ATG2A: variants seen among roughly 807,000 people sequenced by gnomAD.
ATG2A encodes the protein autophagy-related protein 2 homolog A.
Under a neutral mutation model 214.2 loss-of-function variants are expected in ATG2A, and 103 were observed. The observed-to-expected ratio is 0.48, with a 90% CI of 0.41 to 0.57. The LOEUF is 0.57. Ranked by LOEUF, ATG2A falls within the 20% of genes least tolerant of loss-of-function variation. ATG2A has a pLI of 0.00. For missense variants in ATG2A, 2,312 were observed against 2,613.2 expected, an observed-to-expected ratio of 0.88 and a Z score of 2.51; for synonymous variants, 1,160 against 1,142.1, an observed-to-expected ratio of 1.02 and a Z score of -0.32.
chr11:64,913,554 C>A lies in ATG2A; in HGVS notation c.591-153G>T. ...GGCCGTCCTGAACCACCATGTCCAGCCCGGAGGCTCAGGCCAGCCCTTGCT... is the reference window on the plus strand; with the variant it reads ...GGCCGTCCTGAACCACCATGTCCAGACCGGAGGCTCAGGCCAGCCCTTGCT... On this transcript the variant is annotated intron_variant, in intron 4 of 40. Transcript: ENST00000377264. This position sits in a 1 kb window ranked among gnomAD's most constrained non-coding sequence, Gnocchi z 4.3. 1 of 1,096,850 alleles carries A rather than the reference C, an allele frequency of 9.1e-7. No homozygotes were observed. 67.9% of individuals were successfully genotyped at this position (1,096,850 alleles called of 1,614,324 possible).
rs1186907191 is a variant in ATG2A, at chr11:64,913,863, C to A, written c.548G>T (p.Gly183Val). ...GACGGCCACACCACGTTCCCCATCA[C>A]CCGGAGAGTGCTCCACCCTCACGAC... ...DTVVRVEHSPGDGERGVAVEV... is the reference protein window; with the variant it reads ...DTVVRVEHSPVDGERGVAVEV... Residue 183 changes from glycine to valine, a missense_variant, in exon 4 of 41, where the codon GGT becomes GTT. By Grantham distance (109) the Gly-to-Val change is moderately radical. Transcript: ENST00000377264. The surrounding 1 kb of genome is among the most constrained non-coding windows in gnomAD (Gnocchi z 4.3). The A allele has an allele frequency of 6.2e-7, 1 of 1,613,880 alleles. No homozygotes were observed. The highest frequency in any genetic ancestry group is 1.3e-5 in the African/African-American group (1 of 74,920).
chr11:64,902,336 G>A lies in ATG2A; in HGVS notation c.3828C>T (p.Ala1276=), dbSNP rs776418307. 51 of 1,608,542 alleles carry A rather than the reference G, an allele frequency of 3.2e-5. No homozygotes were observed. In the East Asian group the frequency reaches 3.8e-4, roughly 12 times the overall value. The change falls in exon 28 of 41, where the codon GCC becomes GCT. Residue 1276 remains alanine, a synonymous_variant. Transcript: ENST00000377264. ...CGGCCAGGTCACGCTGGTTGATGAG[G>A]GCCGTCTCCACTGGGGGGCACGAGG... ...SLPSCPPVET[A]LINQRDLADA...
chr11:64,894,866 G>A lies in ATG2A; in HGVS notation c.*107C>T. ...GCAGGCTGGGAAGGCGTCCTTCACAGTGGCCATCCCCTGAAGGGCCAGGCC... is the reference window on the plus strand; with the variant it reads ...GCAGGCTGGGAAGGCGTCCTTCACAATGGCCATCCCCTGAAGGGCCAGGCC... On this transcript the variant is annotated 3_prime_UTR_variant, in exon 41 of 41. Coordinates refer to ENST00000377264, the MANE Select transcript of ATG2A (RefSeq NM_015104.3). 1 of 1,322,612 alleles carries A rather than the reference G, an allele frequency of 7.6e-7. No individual in the cohort carries two copies. The highest frequency in any genetic ancestry group is 1.1e-6 in the Non-Finnish European group (1 of 926,766). The allele number at this position is 1,322,612 out of a possible 1,614,324, so 81.9% of individuals were successfully genotyped here. A position where few individuals can be genotyped will look rare whatever the true frequency, so the allele number is the denominator to read the frequency against.
intron 37 of ATG2A, 149 bp from the exon 38 acceptor site, chr11:64,897,018 T>A: frequency 8.9e-7 from 1 of 1,122,922 alleles, no homozygotes; most frequent in Non-Finnish European, 1.2e-6. Flanking sequence ...GCAGAGGGAC[T>A]GTGTCCTTTT....
chr11:64,917,170 GC>G lies in ATG2A; in HGVS notation c.-36del. ...CGCCGGGCCTGGGCCGCCTCCGCTTGCCGCCCGCCGGCGATCCCCGTCCGGC... is the reference window on the plus strand; with the variant it reads ...CGCCGGGCCTGGGCCGCCTCCGCTTGCGCCCGCCGGCGATCCCCGTCCGGC... On this transcript the variant is annotated 5_prime_UTR_variant, in exon 1 of 41. Coordinates refer to ENST00000377264, the MANE Select transcript of ATG2A (RefSeq NM_015104.3). The G allele has an allele frequency of 1.3e-6, 2 of 1,557,920 alleles. No individual in the cohort carries two copies. Among genetic ancestry groups the G allele is most frequent in the South Asian group, 2.3e-5 (2 of 86,164 alleles).
At chr11:64,906,870 C>A in intron 19 of ATG2A, 55 bp from the exon 20 acceptor site, 1 of 1,569,934 alleles carries the variant, frequency 6.4e-7, no homozygotes, top group South Asian at 1.2e-5. Flanking sequence ...AACCCTCAAG[C>A]CCTCTGGGGG....
chr11:64,910,102 C>G lies in ATG2A; in HGVS notation c.1801G>C (p.Asp601His). ...AGGCGCAGTAGGGCGGCCAGCCGGTCCAGGGCCCCCAGCTCCACGTCCGCC... is the reference window on the plus strand; with the variant it reads ...AGGCGCAGTAGGGCGGCCAGCCGGTGCAGGGCCCCCAGCTCCACGTCCGCC... ...FQADVELGAL[D>H]RLAALLRLAT... Residue 601 changes from aspartate to histidine, a missense_variant, in exon 13 of 41, where the codon GAC becomes CAC. Transcript: ENST00000377264. 6.2e-7 allele frequency: 1 copy of G among 1,611,062 alleles called. No individual in the cohort carries two copies. The highest frequency in any genetic ancestry group is 8.5e-7 in the Non-Finnish European group (1 of 1,179,336).
At chr11:64,912,454 A>G in intron 6 of ATG2A, 31 bp from the exon 7 acceptor site, 1 of 1,523,732 alleles carries the variant, frequency 6.6e-7, no homozygotes, top group South Asian at 1.2e-5. Context: ...CATGGAGCCT[A>G]GGCCCACCAC....
intron 1 of ATG2A, among the ~76,000 whole-genome samples, chr11:64,915,919 G>A (rs370975280): frequency 6.6e-6 from 1 of 152,124 alleles, no homozygotes; most frequent in Non-Finnish European, 1.5e-5. Flanking sequence ...CCACTGGGGG[G>A]TGCCCCCAGT....
intron 28 of ATG2A, 40 bp from the exon 29 acceptor site, chr11:64,902,216 G>C (rs771569877): frequency 6.2e-7 from 1 of 1,612,964 alleles, no homozygotes; most frequent in South Asian, 1.1e-5. Flanking sequence ...GCCCACAGTG[G>C]GTGCCTGACT....
chr11:64,917,017 A>G lies in ATG2A; in HGVS notation c.119T>C (p.Leu40Pro). ...GGCAACGCTGCCCTTGTACAGATCGAGGCTGAGCTGGTCCAGGCTGAGGTG... is the reference window on the plus strand; with the variant it reads ...GGCAACGCTGCCCTTGTACAGATCGGGGCTGAGCTGGTCCAGGCTGAGGTG... ...QEHLSLDQLS[L>P]DLYKGSVALR... is the part of the protein sequence containing the mutation. The change falls in exon 1 of 41, where the codon CTC becomes CCC. Residue 40 changes from leucine to proline, a missense_variant. By Grantham distance (98) the Leu-to-Pro change is moderately conservative. Transcript: ENST00000377264. 6.2e-7 allele frequency: 1 copy of G among 1,613,850 alleles called. No individual in the cohort carries two copies. Among genetic ancestry groups the G allele is most frequent in the Non-Finnish European group, 8.5e-7 (1 of 1,180,012 alleles).
At chr11:64,908,583 A>G (rs1590647205) in intron 16 of ATG2A, among the ~76,000 whole-genome samples, 1 of 152,104 alleles carries the variant, frequency 6.6e-6, no homozygotes, top group East Asian at 1.9e-4. Context: ...AGAGAAAGAC[A>G]GGTCATGGTG....
Position 64,901,068 on chromosome 11 carries a change from T to A in ATG2A, c.4144A>T (p.Thr1382Ser). Residue 1382 changes from threonine to serine, a missense_variant, in exon 30 of 41, where the codon ACA becomes TCA. Physicochemically the swap from Thr to Ser is moderately conservative, Grantham distance 58. Coordinates refer to ENST00000377264, the MANE Select transcript of ATG2A (RefSeq NM_015104.3). ...ACGATGGGGCCGGGATGCAGCTGTG[T>A]CACCACAGGCTCCCCATCTCGGGGC... ...IPPRDGEPVV[T>S]QLHPGPIVVR... is the part of the protein sequence containing the mutation. The A allele has an allele frequency of 6.3e-7, 1 of 1,575,588 alleles. No individual in the cohort carries two copies. The highest frequency in any genetic ancestry group is 8.6e-7 in the Non-Finnish European group (1 of 1,160,824).
intron 16 of ATG2A, 84 bp from the exon 17 acceptor site, chr11:64,907,974 C>A: frequency 6.8e-7 from 1 of 1,472,360 alleles, no homozygotes; most frequent in East Asian, 2.4e-5. Flanking sequence ...TCCTGCCCTC[C>A]TGTCGTTCAT....
Position 64,906,207 on chromosome 11 carries a change from C to G in ATG2A, c.3184-14G>C. The G allele has an allele frequency of 6.2e-7, 1 of 1,611,344 alleles. No individual in the cohort carries two copies. Among genetic ancestry groups the G allele is most frequent in the Non-Finnish European group, 8.5e-7 (1 of 1,179,092 alleles). Reference sequence around the variant, plus strand: ...CACCAGGAACTCCTGAGGGTGGGGGCGCAGTCAGGGCAGTGGGGAGGCCAG... The same window carrying G: ...CACCAGGAACTCCTGAGGGTGGGGGGGCAGTCAGGGCAGTGGGGAGGCCAG... On this transcript the variant is annotated splice_polypyrimidine_tract_variant and intron_variant, in intron 21 of 40. Coordinates refer to ENST00000377264, the MANE Select transcript of ATG2A (RefSeq NM_015104.3).
chr11:64,895,234 G>T lies in ATG2A; in HGVS notation c.5581-25C>A, dbSNP rs778862990. The T allele has an allele frequency of 2.0e-5, 32 of 1,613,146 alleles. No individual in the cohort carries two copies. The East Asian group carries it at 6.2e-4, about 31-fold the overall frequency. On this transcript the variant is annotated intron_variant, in intron 40 of 40. Coordinates refer to ENST00000377264, the MANE Select transcript of ATG2A (RefSeq NM_015104.3). This position sits in a 1 kb window ranked among gnomAD's most constrained non-coding sequence, Gnocchi z 5.0. ...CCTGTGGAAGCCAGAGGTCAGGGCG[G>T]GGTCTGTGTGAGGAGATGGGCATGG...
chr11:64,903,787 T>G lies in ATG2A; in HGVS notation c.3465-127A>C. ...CAGGCCCCTCCAGCCTCAGCGTTCC[T>G]GCCTGCACAATGGGGAGAAGGCCCA... On this transcript the variant is annotated intron_variant, in intron 24 of 40. Transcript: ENST00000377264. This position sits in a 1 kb window ranked among gnomAD's most constrained non-coding sequence, Gnocchi z 4.2. 1.2e-6 allele frequency: 1 copy of G among 868,482 alleles called. No individual in the cohort carries two copies. The allele number at this position is 868,482 out of a possible 1,614,324, so 53.8% of individuals were successfully genotyped here. A position where few individuals can be genotyped will look rare whatever the true frequency, so the allele number is the denominator to read the frequency against.
chr11:64,911,458 G>A (rs1944771508), intron 9 of ATG2A, among the ~76,000 whole-genome samples, 183 bp from the exon 10 acceptor site: 1 of 152,146 alleles, frequency 6.6e-6, no homozygotes, highest in Admixed American at 6.5e-5. Flanking sequence ...TTCTGCCCAG[G>A]CTCAACTGAA....
At chr11:64,897,574 C>G (rs531533650) in intron 36 of ATG2A, 80 bp from the exon 37 acceptor site, 6 of 1,603,782 alleles carry the variant, frequency 3.7e-6, no homozygotes, top group Non-Finnish European at 5.1e-6. Flanking sequence ...GGAGAGCGCC[C>G]TGGCTGCTAA....
Sources: gnomAD v4.1 joint callset for allele counts (sites outside exome capture counted in the v4.1 genomes callset) on GRCh38, gnomAD v4.1.1 for gene constraint, Gnocchi (gnomAD v3.1) non-coding constraint, MANE v1.5 for transcripts, NCBI Gene and HGNC (gene_info 2026-07-23, HGNC 2026-07-21) for gene names.